Variants in GPHN observed in about 807,000 individuals in gnomAD.
GPHN encodes gephyrin.
In GPHN, 17 loss-of-function variants were observed where a neutral mutation model predicts 95.5. The observed-to-expected ratio is 0.18, with a 90% CI of 0.12 to 0.27. The LOEUF is 0.27. GPHN is among the 10% of genes least tolerant of loss of function. The pLI is 1.00. For synonymous variants in GPHN, 320 were observed against 322.5 expected, an observed-to-expected ratio of 0.99 and a Z score of 0.08; for missense variants, 660 against 978.1, an observed-to-expected ratio of 0.67 and a Z score of 4.34.
chr14:66,628,686 T>C (rs1005077835), intron 1 of GPHN, among the ~76,000 whole-genome samples: 1 of 152,126 alleles, frequency 6.6e-6, no homozygotes, highest in Non-Finnish European at 1.5e-5. Context: ...TACTTTAGCT[T>C]ACTTTAATTT....
At chr14:66,600,572 T>C (rs2062185761) in intron 1 of GPHN, among the ~76,000 whole-genome samples, 1 of 152,124 alleles carries the variant, frequency 6.6e-6, no homozygotes. Flanking sequence ...AAATATGTAT[T>C]GTTGATTCAT....
At chr14:67,070,977 GA>G (rs1303128965) in intron 11 of GPHN, among the ~76,000 whole-genome samples, 1 of 151,968 alleles carries the variant, frequency 6.6e-6, no homozygotes, top group African/African-American at 2.4e-5. Context: ...AAAAAGTCAG[GA>G]AACAACAGGT....
the GPHN span, among the ~76,000 whole-genome samples, chr14:67,283,468 C>G: frequency 6.6e-6 from 1 of 152,134 alleles, no homozygotes; most frequent in Admixed American, 6.6e-5. Context: ...CAGACAAAAT[C>G]CCAATGCCAG....
At chr14:67,729,464 G>A in the GPHN span, 1 of 1,380,708 alleles carries the variant, frequency 7.2e-7, no homozygotes, top group South Asian at 1.2e-5. Flanking sequence ...CTGAGAAGCT[G>A]AGTTTGTGCC....
At chr14:66,608,871 G>T (rs552362319) in intron 1 of GPHN, among the ~76,000 whole-genome samples, 2 of 152,104 alleles carry the variant, frequency 1.3e-5, no homozygotes, top group African/African-American at 2.4e-5. Context: ...GAGGCTTTCG[G>T]TATTGTTACA....
At chr14:66,747,968 A>G (rs1252886690) in intron 2 of GPHN, among the ~76,000 whole-genome samples, 1 of 152,090 alleles carries the variant, frequency 6.6e-6, no homozygotes, top group Non-Finnish European at 1.5e-5. Flanking sequence ...GTATTAATAA[A>G]CTGTGATGAT....
At chr14:67,706,156 CAG>C in the GPHN span, 1 of 152,178 alleles carries the variant, frequency 6.6e-6, no homozygotes, top group African/African-American at 2.4e-5. Context: ...AGGTCAGAAA[CAG>C]AGCAAGTCAA....
At chr14:67,391,557 C>A in the GPHN span, among the ~76,000 whole-genome samples, 1 of 152,166 alleles carries the variant, frequency 6.6e-6, no homozygotes, top group Non-Finnish European at 1.5e-5. Context: ...GTGACAGCAA[C>A]AGCACATGCT....
the GPHN span, chr14:67,350,654 C>A: frequency 6.2e-7 from 1 of 1,613,630 alleles, no homozygotes; most frequent in Non-Finnish European, 8.5e-7. Context: ...AGTGAAAAGG[C>A]AGCTTCTCTC....
intron 9 of GPHN, among the ~76,000 whole-genome samples, chr14:66,993,238 C>CT (rs200546076): frequency 0.012 from 1,830 of 152,090 alleles, 20 homozygotes; most frequent in Non-Finnish European, 0.018. Flanking sequence ...TTCTCTCTCT[C>CT]TCTTCACATA....
At chr14:67,646,962 G>C in the GPHN span, 1 of 1,612,200 alleles carries the variant, frequency 6.2e-7, no homozygotes, top group South Asian at 1.1e-5. Context: ...TTTTCCATGA[G>C]AGATATTGAT....
the GPHN span, among the ~76,000 whole-genome samples, chr14:67,603,989 G>GTTTTTTTTTTTTTTTTTTTTTT: frequency 6.8e-6 from 1 of 146,110 alleles, no homozygotes; most frequent in Non-Finnish European, 1.5e-5. Flanking sequence ...CCCTGCCCTT[G>GTTTTTTTTTTTTTTTTTTTTTT]TTTTTTGTTT....
the GPHN span, among the ~76,000 whole-genome samples, chr14:67,252,486 A>G: frequency 4.6e-5 from 7 of 152,274 alleles, no homozygotes; most frequent in Non-Finnish European, 8.8e-5. Flanking sequence ...AGGAGTGGTC[A>G]TGGGAACCCC....
chr14:66,744,590 T>G (rs1482698684), intron 2 of GPHN, among the ~76,000 whole-genome samples: 1 of 152,222 alleles, frequency 6.6e-6, no homozygotes, highest in African/African-American at 2.4e-5. Context: ...ATAAATTTCC[T>G]TATACAAGTA....
At chr14:66,571,335 C>T (rs909828869) in intron 1 of GPHN, among the ~76,000 whole-genome samples, 3 of 152,140 alleles carry the variant, frequency 2.0e-5, no homozygotes, top group African/African-American at 7.2e-5. Context: ...CAGATCCCTC[C>T]ATTGACACAT....
intron 1 of GPHN, among the ~76,000 whole-genome samples, chr14:66,588,621 G>A (rs9944150): frequency 0.31 from 47,016 of 151,580 alleles, 11,115 homozygotes; most frequent in African/African-American, 0.64. Context: ...TCGATCAAGC[G>A]GAAGAAATGA....
the GPHN span, among the ~76,000 whole-genome samples, chr14:67,679,465 G>GCGAT: frequency 1.8e-4 from 27 of 147,648 alleles, no homozygotes; most frequent in African/African-American, 6.5e-4. Context: ...GTGCAGTGAT[G>GCGAT]CGATCTCAGC....
chr14:66,975,090 T>G (rs903538605), intron 9 of GPHN, among the ~76,000 whole-genome samples: 2 of 152,322 alleles, frequency 1.3e-5, no homozygotes, highest in African/African-American at 4.8e-5. Flanking sequence ...ATGAGCATCT[T>G]TCTATGTCAT....
chr14:66,986,666 A>G (rs747803427), intron 9 of GPHN, among the ~76,000 whole-genome samples: 1 of 152,116 alleles, frequency 6.6e-6, no homozygotes, highest in Non-Finnish European at 1.5e-5. Context: ...TTATATCTCA[A>G]TCTCATTTGC....
Sources: gnomAD v4.1 joint callset for allele counts (sites outside exome capture counted in the v4.1 genomes callset) on GRCh38, gnomAD v4.1.1 for gene constraint, MANE v1.5 for transcripts, NCBI Gene and HGNC (gene_info 2026-07-23, HGNC 2026-07-21) for gene names.